The following SPAG17 variants were observed in gnomAD, a reference collection of about 807,000 sequenced individuals.
SPAG17 encodes sperm-associated antigen 17.
SPAG17 carries 169 observed loss-of-function variants against 273.6 expected under a neutral mutation model. The observed-to-expected ratio is 0.62, with a 90% CI of 0.55 to 0.70. SPAG17 has a LOEUF of 0.70. Among genes scored for constraint, SPAG17 ranks in the 30% least tolerant of loss-of-function variants. The probability of loss-of-function intolerance (pLI) is 0.00; values close to 1 mark genes in which losing one functional copy is unlikely to be tolerated. For synonymous variants in SPAG17, 825 were observed against 873.2 expected, an observed-to-expected ratio of 0.94 and a Z score of 0.97; for missense variants, 2,557 against 2,627.8, an observed-to-expected ratio of 0.97 and a Z score of 0.59.
intron 1 of SPAG17, among the ~76,000 whole-genome samples, chr1:118,163,961 G>A (rs1660046593): frequency 6.6e-6 from 1 of 152,146 alleles, no homozygotes; most frequent in Non-Finnish European, 1.5e-5. Context: ...TTGGGGACTT[G>A]AATTGCCATT....
intron 3 of SPAG17, among the ~76,000 whole-genome samples, chr1:118,143,361 T>C (rs1658782966): frequency 6.6e-6 from 1 of 152,212 alleles, no homozygotes; most frequent in African/African-American, 2.4e-5. Context: ...CTAACCAGTC[T>C]GATTCAAATT....
chr1:118,161,697 G>C (rs905878929), intron 1 of SPAG17, among the ~76,000 whole-genome samples: 3 of 151,996 alleles, frequency 2.0e-5, no homozygotes, highest in Non-Finnish European at 1.5e-5. Context: ...GCCCCCACCT[G>C]GCTAATTTTT....
chr1:118,123,473 C>T (rs1324789555), intron 3 of SPAG17, among the ~76,000 whole-genome samples: 2 of 152,122 alleles, frequency 1.3e-5, no homozygotes, highest in South Asian at 2.1e-4. Context: ...ACTGTCTATA[C>T]ATAAATTTAA....
chr1:118,094,992 A>G (rs1199532992), intron 7 of SPAG17, among the ~76,000 whole-genome samples: 1 of 152,200 alleles, frequency 6.6e-6, no homozygotes, highest in Non-Finnish European at 1.5e-5. Context: ...GTTGACAGTT[A>G]CCTTCATGGC....
intron 1 of SPAG17, among the ~76,000 whole-genome samples, chr1:118,165,000 T>A (rs1048947017): frequency 2.0e-5 from 3 of 152,216 alleles, no homozygotes; most frequent in Non-Finnish European, 4.4e-5. Flanking sequence ...CAGAATGCCC[T>A]CCTTCCAGGT....
At chr1:117,955,200 A>G (rs1651995214) in intron 48 of SPAG17, 2 of 828,876 alleles carry the variant, frequency 2.4e-6, no homozygotes, top group Non-Finnish European at 3.7e-6. Context: ...CCATTTTAGA[A>G]TACTTTTTCT....
At chr1:118,060,239 A>G (rs538114530) in intron 18 of SPAG17, among the ~76,000 whole-genome samples, 3 of 152,102 alleles carry the variant, frequency 2.0e-5, no homozygotes, top group African/African-American at 7.2e-5. Context: ...TCTTACATGC[A>G]TAACAGTCCA....
Position 118,015,966 on chromosome 1 carries a change from G to T in SPAG17, c.4286C>A (p.Thr1429Lys), listed in dbSNP as rs746968862. 1 of 1,613,478 alleles carries T rather than the reference G, an allele frequency of 6.2e-7. No individual in the cohort carries two copies. The highest frequency in any genetic ancestry group is 2.2e-5 in the East Asian group (1 of 44,858). ...GCAATAAACAATAGTTTGTCATACC[G>T]TTCCATTGACAGGATCTGTGGCCTG... ...SFQATDPVNGTVMTTREDKVV... is the reference protein window; with the variant it reads ...SFQATDPVNGKVMTTREDKVV... The change falls in exon 29 of 49, where the codon ACG (threonine) becomes AAG (lysine). Residue 1429 changes from threonine to lysine, a missense_variant and splice_region_variant. Transcript: ENST00000336338.
In SPAG17 at chr1:118,184,887, G is replaced by A. The variant is rs189590706; in HGVS notation, c.87+184C>T. Among the ~76,000 whole-genome samples, 33 of 152,264 alleles carry A rather than the reference G, an allele frequency of 2.2e-4. No homozygotes were observed. The East Asian group carries it at 5.4e-3, about 25-fold the overall frequency. On this transcript the variant is annotated intron_variant, in intron 1 of 48. Coordinates refer to ENST00000336338, the MANE Select transcript of SPAG17 (RefSeq NM_206996.4). Reference sequence around the variant, plus strand: ...TGAAATCACACTGACTCACCTGGTGGGTGTTCCCTTAAGTTCCGTTCGTTT... The same window carrying A: ...TGAAATCACACTGACTCACCTGGTGAGTGTTCCCTTAAGTTCCGTTCGTTT...
At chr1:117,955,924 C>T (rs1279219081) in intron 48 of SPAG17, among the ~76,000 whole-genome samples, 2 of 152,242 alleles carry the variant, frequency 1.3e-5, no homozygotes, top group African/African-American at 4.8e-5. Context: ...AGAGTCCTAG[C>T]AGCCTAATAA....
intron 29 of SPAG17, among the ~76,000 whole-genome samples, chr1:118,014,907 A>G (rs1236646182): frequency 1.3e-5 from 2 of 152,182 alleles, no homozygotes; most frequent in African/African-American, 4.8e-5. Context: ...TTAACTTCCT[A>G]AGGCTCAATT....
At chr1:117,991,067 T>A (rs1343122727) in intron 37 of SPAG17, among the ~76,000 whole-genome samples, 161 bp from the exon 38 acceptor site, 1 of 152,214 alleles carries the variant, frequency 6.6e-6, no homozygotes, top group Non-Finnish European at 1.5e-5. Flanking sequence ...TTCTTTCTAC[T>A]TCACTAATGT....
chr1:118,176,821 AT>A (rs1002814648), intron 1 of SPAG17, among the ~76,000 whole-genome samples: 1 of 152,218 alleles, frequency 6.6e-6, no homozygotes, highest in African/African-American at 2.4e-5. Flanking sequence ...ATTTCAACAA[AT>A]TAAAAAGAGT....
intron 1 of SPAG17, among the ~76,000 whole-genome samples, chr1:118,154,097 C>T (rs948750023): frequency 6.6e-6 from 1 of 152,122 alleles, no homozygotes; most frequent in Non-Finnish European, 1.5e-5. Context: ...CACTCTGAGA[C>T]AGTCTGCCCA....
chr1:117,989,538 T>TA (rs1342265459), intron 38 of SPAG17, among the ~76,000 whole-genome samples: 1 of 151,868 alleles, frequency 6.6e-6, no homozygotes, highest in Non-Finnish European at 1.5e-5. Flanking sequence ...CACCTCCCAT[T>TA]AGGCCCCTCC....
At chr1:117,978,808 T>C (rs905841052) in intron 43 of SPAG17, among the ~76,000 whole-genome samples, 1 of 151,674 alleles carries the variant, frequency 6.6e-6, no homozygotes, top group Non-Finnish European at 1.5e-5. Flanking sequence ...TTTGATACAC[T>C]CCAAACACTC....
rs574750500 is a variant in SPAG17 at position 118,070,591 on chromosome 1, C to A, written c.2385+3263G>T. 2.6e-5 allele frequency among the ~76,000 whole-genome samples: 4 copies of A among 152,096 alleles called. No individual in the cohort carries two copies. The South Asian group carries it at 8.3e-4, about 32-fold the overall frequency. On this transcript the variant is annotated intron_variant, in intron 17 of 48. Transcript: ENST00000336338. ...TGTAAAAGCCTAAATCAGCACTGCT[C>A]AATAGAAATATAAAGTGAGCCACAA...
chr1:118,016,863 G>C (rs1436601045), intron 28 of SPAG17, among the ~76,000 whole-genome samples: 1 of 152,164 alleles, frequency 6.6e-6, no homozygotes, highest in Non-Finnish European at 1.5e-5. Context: ...TATTTCAGTT[G>C]CTCTATCAGG....
At chr1:118,045,870 GA>G (rs941523346) in intron 20 of SPAG17, among the ~76,000 whole-genome samples, 25 of 151,950 alleles carry the variant, frequency 1.6e-4, no homozygotes, top group African/African-American at 6.0e-4. Context: ...TCGGTGTGGG[GA>G]AAAAAACACC....
Sources: allele counts gnomAD v4.1 joint callset (sites outside exome capture counted in the v4.1 genomes callset), GRCh38; gene constraint gnomAD v4.1.1; transcripts MANE v1.5; gene names NCBI Gene and HGNC (gene_info 2026-07-23, HGNC 2026-07-21).